SMARCAD1: variants seen among roughly 807,000 people sequenced by gnomAD.
SMARCAD1 encodes SWI/SNF-related matrix-associated actin-dependent regulator of chromatin subfamily A containing DEAD/H box 1.
A neutral mutation model predicts 127.1 loss-of-function variants in SMARCAD1; 25 were observed. The ratio of observed to expected loss-of-function variants is 0.20; its 90% CI spans 0.14 to 0.27. SMARCAD1 has a LOEUF of 0.27. SMARCAD1 is among the 10% of genes least tolerant of loss of function. The pLI is 1.00. For missense variants in SMARCAD1, 807 were observed against 1,206.0 expected, an observed-to-expected ratio of 0.67 and a Z score of 4.90; for synonymous variants, 400 against 396.9, an observed-to-expected ratio of 1.01 and a Z score of -0.09.
In SMARCAD1 at chr4:94,282,092, G is replaced by GTTTTT. The variant is rs144409121; in HGVS notation, c.2726+505_2726+509dup. On this transcript the variant is annotated intron_variant, in intron 21 of 23. Transcript: ENST00000354268. Reference sequence around the variant, plus strand: ...TTCTTTCTGAATTACATGCAAATACGTTTTTTTGTTTTTTTTTTTTTTTTT... The same window carrying GTTTTT: ...TTCTTTCTGAATTACATGCAAATACGTTTTTTTTTTTTGTTTTTTTTTTTTTTTTT... 3.1e-3 allele frequency among the ~76,000 whole-genome samples: 343 copies of GTTTTT among 110,938 alleles called. 5 individuals carry two copies. Among genetic ancestry groups the GTTTTT allele is most frequent in the South Asian group, 0.01 (31 of 3,058 alleles). 72.8% of individuals were successfully genotyped at this position (110,938 alleles called of 152,430 possible).
chr4:94,239,562 G>GTTTTTTTTTTTTTTTTTTTT (rs5860361), intron 5 of SMARCAD1, among the ~76,000 whole-genome samples: 1 of 142,818 alleles, frequency 7.0e-6, no homozygotes, highest in Non-Finnish European at 1.5e-5. Flanking sequence ...GCCCTGTTGT[G>GTTTTTTTTTTTTTTTTTTTT]TTTTTTTTTT....
At chr4:94,284,326 C>CAAAA (rs1161926658) in intron 22 of SMARCAD1, among the ~76,000 whole-genome samples, 2,127 of 25,932 alleles carry the variant, frequency 0.082, 234 homozygotes, top group Non-Finnish European at 0.12. Context: ...GACTCCGTCT[C>CAAAA]AAAAAAAAAA....
chr4:94,272,006 G>T (rs549544371), intron 11 of SMARCAD1, among the ~76,000 whole-genome samples: 35 of 152,276 alleles, frequency 2.3e-4, no homozygotes, highest in African/African-American at 7.0e-4. Context: ...ACAGAAATTT[G>T]TTCTTCACAA....
chr4:94,214,132 T>C (rs967496052), intron 2 of SMARCAD1, among the ~76,000 whole-genome samples: 1 of 152,108 alleles, frequency 6.6e-6, no homozygotes, highest in Non-Finnish European at 1.5e-5. Flanking sequence ...TACTAACCTT[T>C]AACAGTTTCA....
chr4:94,231,071 C>T (rs1382898500), intron 3 of SMARCAD1, among the ~76,000 whole-genome samples: 1 of 151,958 alleles, frequency 6.6e-6, no homozygotes, highest in African/African-American at 2.4e-5. Flanking sequence ...AGTTGTTGTG[C>T]GAAAGATGTA....
intron 9 of SMARCAD1, among the ~76,000 whole-genome samples, chr4:94,258,605 T>G (rs576555860): frequency 1.3e-5 from 2 of 152,208 alleles, no homozygotes; most frequent in African/African-American, 2.4e-5. Context: ...CTGAATTCAG[T>G]GCATGCCACT....
chr4:94,244,373 C>T (rs999261087), intron 6 of SMARCAD1, among the ~76,000 whole-genome samples: 1 of 152,014 alleles, frequency 6.6e-6, no homozygotes, highest in African/African-American at 2.4e-5. Flanking sequence ...ATGAAAGCTG[C>T]AAAAGAATTT....
intron 15 of SMARCAD1, 47 bp from the exon 16 acceptor site, chr4:94,276,975 G>A (rs771842865): frequency 6.2e-7 from 1 of 1,610,234 alleles, no homozygotes; most frequent in Non-Finnish European, 8.5e-7. Flanking sequence ...CATGAAAGGA[G>A]TGGCTCTTTA....
At position 94,264,808 on chromosome 4, in the gene SMARCAD1, A is replaced by T. The variant is rs1206623450; in HGVS notation, c.1383A>T (p.Lys461Asn). ...ATGTAGTTATAAGGCTTATGAACAAATGTGAAGACATTTCAAATAAATTGA... is the reference window on the plus strand; with the variant it reads ...ATGTAGTTATAAGGCTTATGAACAATTGTGAAGACATTTCAAATAAATTGA... ...ERDVVIRLMN[K>N]CEDISNKLTK... Residue 461 changes from lysine to asparagine, a missense_variant, in exon 10 of 24, where the codon AAA (lysine) becomes AAT (asparagine). Lys to Asn is a moderately conservative substitution (Grantham distance 94, BLOSUM62 0). This residue lies in a region of SMARCAD1 where 257 missense variants were observed against 303.4 expected (regional missense o/e 0.85). Coordinates refer to ENST00000354268, the MANE Select transcript of SMARCAD1 (RefSeq NM_020159.5). 6.2e-7 allele frequency: 1 copy of T among 1,613,128 alleles called. No individual in the cohort carries two copies. The highest frequency in any genetic ancestry group is 8.5e-7 in the Non-Finnish European group (1 of 1,179,336).
chr4:94,249,119 G>A (rs78053376), intron 6 of SMARCAD1, among the ~76,000 whole-genome samples: 69 of 151,950 alleles, frequency 4.5e-4, no homozygotes, highest in African/African-American at 1.6e-3. Flanking sequence ...TAATCTGTTC[G>A]GTTTATACAT....
chr4:94,217,513 T>G (rs1743384706), intron 2 of SMARCAD1, among the ~76,000 whole-genome samples: 2 of 152,194 alleles, frequency 1.3e-5, no homozygotes. Flanking sequence ...TTGTCTCTTT[T>G]TAAAAAATTT....
At chr4:94,233,221 G>C (rs922399952) in intron 3 of SMARCAD1, among the ~76,000 whole-genome samples, 1 of 152,148 alleles carries the variant, frequency 6.6e-6, no homozygotes, top group African/African-American at 2.4e-5. Context: ...TTCATTCTCT[G>C]ATCTCTATAA....
chr4:94,272,740 T>C (rs1336938173), intron 11 of SMARCAD1, among the ~76,000 whole-genome samples: 6 of 152,170 alleles, frequency 3.9e-5, no homozygotes, highest in Admixed American at 3.9e-4. Context: ...ATAAATACAG[T>C]GCAATTTGTT....
chr4:94,248,659 C>T (rs1748826177), intron 6 of SMARCAD1: 6 of 382,438 alleles, frequency 1.6e-5, no homozygotes, highest in South Asian at 1.2e-4. Flanking sequence ...TCCTTGTAAC[C>T]TATTAACATT....
At chr4:94,242,314 A>G (rs939321377) in intron 6 of SMARCAD1, among the ~76,000 whole-genome samples, 4 of 151,732 alleles carry the variant, frequency 2.6e-5, no homozygotes, top group African/African-American at 7.3e-5. Context: ...CAAAGTGCTG[A>G]GATTACAGGC....
intron 2 of SMARCAD1, among the ~76,000 whole-genome samples, chr4:94,212,078 C>T (rs1162195665): frequency 6.6e-6 from 1 of 152,202 alleles, no homozygotes; most frequent in African/African-American, 2.4e-5. Flanking sequence ...TTCAGGGCAA[C>T]GACTGGCTTG....
chr4:94,284,939 A>T, intron 22 of SMARCAD1, 21 bp from the exon 23 acceptor site: 4 of 1,366,456 alleles, frequency 2.9e-6, no homozygotes, highest in Non-Finnish European at 4.2e-6. Context: ...ACCAATGGAC[A>T]TATTTTGTAT....
intron 19 of SMARCAD1, 145 bp downstream of exon 19, chr4:94,279,195 G>A: frequency 9.5e-7 from 1 of 1,049,224 alleles, no homozygotes; most frequent in African/African-American, 1.6e-5. Flanking sequence ...GTCTGGTTCT[G>A]TTGCCAAGGC....
chr4:94,283,426 A>C (rs1339903374), intron 22 of SMARCAD1, 123 bp downstream of exon 22: 2 of 825,942 alleles, frequency 2.4e-6, no homozygotes, highest in Non-Finnish European at 4.0e-6. Context: ...ATGGCTACTG[A>C]TGTATTTTAT....
Sources: gnomAD v4.1 joint callset for allele counts (sites outside exome capture counted in the v4.1 genomes callset) on GRCh38, gnomAD v4.1.1 for gene constraint, gnomAD v4.1.1 regional missense constraint, MANE v1.5 for transcripts, NCBI Gene and HGNC (gene_info 2026-07-23, HGNC 2026-07-21) for gene names.